The following DNAH8 variants were observed in gnomAD, a reference collection of about 807,000 sequenced individuals.
DNAH8 encodes axonemal beta dynein heavy chain 8.
Under a neutral mutation model 562.1 loss-of-function variants are expected in DNAH8, and 382 were observed. The observed-to-expected ratio is 0.68, with a 90% CI of 0.63 to 0.74. DNAH8 has a LOEUF of 0.74. Among genes scored for constraint, DNAH8 ranks in the 30% least tolerant of loss-of-function variants. The pLI, the probability that DNAH8 is intolerant of heterozygous loss-of-function variation, is 0.00. For missense variants in DNAH8, 5,203 were observed against 5,620.4 expected (o/e 0.93, Z 2.37); for synonymous variants, 1,881 against 1,919.4 (o/e 0.98, Z 0.52).
At chr6:38,734,335 C>A (rs112260651) in intron 4 of DNAH8, 139 bp from the exon 5 acceptor site, 7,993 of 557,244 alleles carry the variant, frequency 0.014, 319 homozygotes, top group Middle Eastern at 0.032. Context: ...GACCCCCCCC[C>A]AAAAAAATTA....
chr6:38,974,455 C>A lies in DNAH8; in HGVS notation c.12760C>A (p.Leu4254Ile), dbSNP rs753837313. Residue 4254 changes from leucine to isoleucine, a missense_variant, in exon 85 of 93, where the codon CTT becomes ATT. By Grantham distance (5) the Leu-to-Ile change is conservative. Coordinates refer to ENST00000327475, the MANE Select transcript of DNAH8 (RefSeq NM_001206927.2). Reference protein sequence around the residue: ...KRTFAGINQDLLDISNLPMWK... With the variant: ...KRTFAGINQDILDISNLPMWK... ...AACATTTGCTGGAATTAATCAAGACCTTCTGGACATCAGTAATTTACCCAT... is the reference window on the plus strand; with the variant it reads ...AACATTTGCTGGAATTAATCAAGACATTCTGGACATCAGTAATTTACCCAT... 3 of 1,613,582 alleles carry A rather than the reference C, an allele frequency of 1.9e-6. No homozygotes were observed. The highest frequency in any genetic ancestry group is 1.7e-5 in the Admixed American group (1 of 59,994).
intron 81 of DNAH8, among the ~76,000 whole-genome samples, chr6:38,950,654 T>G (rs1761835468): frequency 6.6e-6 from 1 of 152,132 alleles, no homozygotes; most frequent in African/African-American, 2.4e-5. Flanking sequence ...TTAGTCAGGA[T>G]GGTCTCGATC....
In DNAH8 at chr6:38,814,908, C is replaced by T. The variant is rs560965119; in HGVS notation, c.3334-560C>T. On this transcript the variant is annotated intron_variant, in intron 25 of 92. Coordinates refer to ENST00000327475, the MANE Select transcript of DNAH8 (RefSeq NM_001206927.2). ...CAGCTGCTGATGGGCATCTGGAACT[C>T]CAAGCCACATGGGATGGCTGAGCTG... is the stretch of plus-strand genomic sequence containing the variant. 3.3e-5 allele frequency among the ~76,000 whole-genome samples: 5 copies of T among 152,272 alleles called. No homozygotes were observed. In the East Asian group the frequency reaches 9.7e-4, roughly 29 times the overall value.
At position 39,030,341 on chromosome 6, in the gene DNAH8, C is replaced by T; in HGVS notation, c.14073C>T (p.Ser4691=). 1 of 1,614,088 alleles carries T rather than the reference C, an allele frequency of 6.2e-7. No individual in the cohort carries two copies. ...ITVVYLRTVL[S]PDHWILRGVA... is the part of the protein sequence containing the mutation. The stretch of plus-strand genomic sequence containing the variant: ...TGGTATATTTACGAACAGTGTTGTC[C>T]CCGGATCACTGGATCCTGAGAGGAG... Residue 4691 remains serine (S), a synonymous_variant, in exon 93 of 93, where the codon TCC becomes TCT. Coordinates refer to ENST00000327475, the MANE Select transcript of DNAH8 (RefSeq NM_001206927.2).
At chr6:39,016,289 C>T (rs984635789) in intron 91 of DNAH8, among the ~76,000 whole-genome samples, 1 of 151,888 alleles carries the variant, frequency 6.6e-6, no homozygotes, top group South Asian at 2.1e-4. Context: ...TGGTGGCTCA[C>T]GCGTGTAATC....
At chr6:38,858,826 G>A (rs1248897354) in intron 42 of DNAH8, among the ~76,000 whole-genome samples, 2 of 152,178 alleles carry the variant, frequency 1.3e-5, no homozygotes, top group African/African-American at 4.8e-5. Context: ...TCCACCTCAA[G>A]AAGCACTAGT....
At chr6:38,799,862 A>G (rs1178577575) in intron 21 of DNAH8, among the ~76,000 whole-genome samples, 2 of 152,128 alleles carry the variant, frequency 1.3e-5, no homozygotes, top group East Asian at 3.9e-4. Context: ...CATACAATAT[A>G]TGTTCTTTTG....
intron 21 of DNAH8, among the ~76,000 whole-genome samples, chr6:38,794,334 AAAAAC>A (rs1338051565): frequency 6.6e-6 from 1 of 151,800 alleles, no homozygotes; most frequent in African/African-American, 2.4e-5. Context: ...TTGGTTATGA[AAAAAC>A]AAAGCCCATA....
chr6:38,815,843 C>T lies in DNAH8; in HGVS notation c.3523+186C>T, dbSNP rs76704281. Among the ~76,000 whole-genome samples the T allele has an allele frequency of 0.019, 2,866 of 152,116 alleles. 104 individuals are homozygous for T. Among genetic ancestry groups the T allele is most frequent in the African/African-American group, 0.065 (2,716 of 41,484 alleles). ...GTGGGTGAAAAGGATTTTTAAATCA[C>T]TTTTCTACTATGATGATCTTAAGTT... is the stretch of plus-strand genomic sequence containing the variant. On this transcript the variant is annotated intron_variant, in intron 26 of 92. Coordinates refer to ENST00000327475, the MANE Select transcript of DNAH8 (RefSeq NM_001206927.2).
chr6:38,811,651 G>A (rs898791322), intron 24 of DNAH8, among the ~76,000 whole-genome samples: 1 of 152,084 alleles, frequency 6.6e-6, no homozygotes, highest in Non-Finnish European at 1.5e-5. Context: ...TTGTTATCTG[G>A]ACATTAATTT....
At chr6:38,878,498 T>G (rs1778198261) in intron 53 of DNAH8, among the ~76,000 whole-genome samples, 1 of 151,556 alleles carries the variant, frequency 6.6e-6, no homozygotes, top group South Asian at 2.1e-4. Flanking sequence ...AAACAAAAAA[T>G]AGAACAGCAA....
intron 9 of DNAH8, among the ~76,000 whole-genome samples, chr6:38,751,375 A>G (rs1018450212): frequency 1.3e-5 from 2 of 152,172 alleles, no homozygotes; most frequent in African/African-American, 4.8e-5. Flanking sequence ...GTTGTATTCT[A>G]TTGGCTAGAA....
chr6:38,790,493 A>G, intron 20 of DNAH8, 88 bp downstream of exon 20: 1 of 655,542 alleles, frequency 1.5e-6, no homozygotes, highest in Non-Finnish European at 2.6e-6. Context: ...TTTAAAGGGT[A>G]TGACTTTTAA....
At chr6:38,748,618 A>C (rs1351487990) in intron 8 of DNAH8, among the ~76,000 whole-genome samples, 1 of 151,880 alleles carries the variant, frequency 6.6e-6, no homozygotes, top group Non-Finnish European at 1.5e-5. Context: ...TAATAAGATA[A>C]CAGCTCACGC....
At chr6:38,756,751 C>G (rs569156237) in intron 10 of DNAH8, among the ~76,000 whole-genome samples, 7 of 150,102 alleles carry the variant, frequency 4.7e-5, no homozygotes, top group Admixed American at 1.3e-4. Context: ...ATTCCCACCT[C>G]TAAGTGAGAA....
intron 36 of DNAH8, among the ~76,000 whole-genome samples, chr6:38,847,577 A>G (rs1480927102): frequency 6.6e-6 from 1 of 152,070 alleles, no homozygotes; most frequent in African/African-American, 2.4e-5. Flanking sequence ...CATGTATAAC[A>G]TAGGCTTTCA....
chr6:39,017,757 A>G (rs1404270060), intron 91 of DNAH8, among the ~76,000 whole-genome samples: 1 of 152,250 alleles, frequency 6.6e-6, no homozygotes, highest in Non-Finnish European at 1.5e-5. Context: ...CTGCTGGATC[A>G]AAGAGATGGA....
intron 88 of DNAH8, among the ~76,000 whole-genome samples, chr6:39,002,596 A>G (rs957046563): frequency 4.6e-5 from 7 of 152,236 alleles, no homozygotes; most frequent in Non-Finnish European, 1.0e-4. Context: ...AACTGCATGC[A>G]TGTTTCAACT....
rs2150400911 is a variant in DNAH8 at position 38,857,509 on chromosome 6, G to T, written c.5734-9G>T. 1 of 1,586,680 alleles carries T rather than the reference G, an allele frequency of 6.3e-7. No individual in the cohort carries two copies. On this transcript the variant is annotated splice_polypyrimidine_tract_variant and intron_variant, in intron 41 of 92. Transcript: ENST00000327475. ...GGCAAATTTTAATATTTTTCTGCTG[G>T]ATCTGTAGGTTGGACTTCTGGGAAT... is the stretch of plus-strand genomic sequence containing the variant.
Sources: gnomAD v4.1 joint callset for allele counts (sites outside exome capture counted in the v4.1 genomes callset) on GRCh38, gnomAD v4.1.1 for gene constraint, MANE v1.5 for transcripts, NCBI Gene and HGNC (gene_info 2026-07-23, HGNC 2026-07-21) for gene names.